The following B4GALT6 variants were observed in gnomAD, a reference collection of about 807,000 sequenced individuals.
B4GALT6 encodes the protein UDP-Gal:beta-GlcNAc beta-1,4-galactosyltransferase 6.
In B4GALT6, 14 loss-of-function variants were observed where a neutral mutation model predicts 46.3. The ratio of observed to expected loss-of-function variants is 0.30; its 90% confidence interval spans 0.20 to 0.47. The LOEUF is 0.47. B4GALT6 is among the 20% of genes least tolerant of loss of function. The pLI is 0.99. For missense variants in B4GALT6, 386 were observed against 480.1 expected (o/e 0.80, Z 1.83); for synonymous variants, 168 against 162.0 (o/e 1.04, Z -0.28).
intron 3 of B4GALT6, among the ~76,000 whole-genome samples, chr18:31,647,575 T>C (rs546090030): frequency 2.0e-5 from 3 of 152,178 alleles, no homozygotes; most frequent in African/African-American, 4.8e-5. Flanking sequence ...AGGCTAAAGA[T>C]TGACCTGGTG....
chr18:31,690,948 A>G, the B4GALT6 span, among the ~76,000 whole-genome samples: 16 of 152,070 alleles, frequency 1.1e-4, no homozygotes, highest in Non-Finnish European at 2.4e-4. Flanking sequence ...GTGAACAGTG[A>G]GAACACAGGG....
At chr18:31,680,358 G>T (rs913365021) in intron 1 of B4GALT6, among the ~76,000 whole-genome samples, 1 of 152,166 alleles carries the variant, frequency 6.6e-6, no homozygotes, top group East Asian at 1.9e-4. Context: ...GGACTCTGAG[G>T]AAAGGACCTA....
chr18:31,660,292 G>GT (rs1172352404), intron 2 of B4GALT6, among the ~76,000 whole-genome samples: 1 of 151,706 alleles, frequency 6.6e-6, no homozygotes, highest in Non-Finnish European at 1.5e-5. Context: ...CAAAATTCTT[G>GT]TTTTTTTCTT....
chr18:31,715,535 G>GTTTTT, the B4GALT6 span, among the ~76,000 whole-genome samples: 1 of 94,418 alleles, frequency 1.1e-5, no homozygotes, highest in African/African-American at 4.3e-5. Context: ...GTCTGGAACT[G>GTTTTT]TCTTTTTTTT....
At chr18:31,709,511 A>G in the B4GALT6 span, among the ~76,000 whole-genome samples, 1 of 148,616 alleles carries the variant, frequency 6.7e-6, no homozygotes, top group East Asian at 2.0e-4. Flanking sequence ...TATCCAATGT[A>G]CCTTGGATGA....
At chr18:31,636,474 T>C (rs1191903646) in intron 5 of B4GALT6, among the ~76,000 whole-genome samples, 3 of 152,130 alleles carry the variant, frequency 2.0e-5, no homozygotes, top group Non-Finnish European at 4.4e-5. Context: ...AACTTCACCA[T>C]AGAAGGTATG....
the B4GALT6 span, among the ~76,000 whole-genome samples, chr18:31,711,409 A>AC: frequency 3.2e-4 from 48 of 151,326 alleles, no homozygotes; most frequent in Admixed American, 2.6e-3. Flanking sequence ...CCCTCCTCCC[A>AC]CCCTCCATCC....
intron 4 of B4GALT6, among the ~76,000 whole-genome samples, chr18:31,640,152 ATTT>A (rs1392680342): frequency 1.3e-5 from 2 of 152,162 alleles, no homozygotes; most frequent in Non-Finnish European, 2.9e-5. Context: ...TATAATCTGG[ATTT>A]TTTAAATATA....
upstream of B4GALT6, among the ~76,000 whole-genome samples, chr18:31,689,945 C>T (rs1567990368): frequency 6.6e-6 from 1 of 152,138 alleles, no homozygotes; most frequent in Non-Finnish European, 1.5e-5. Context: ...ACAATATCCA[C>T]AATACTAGAT....
chr18:31,630,420 T>TG (rs1331915325), intron 6 of B4GALT6, among the ~76,000 whole-genome samples: 2 of 151,794 alleles, frequency 1.3e-5, no homozygotes, highest in African/African-American at 2.4e-5. Context: ...GATTTGGGTT[T>TG]TTTTTTTTTA....
intron 2 of B4GALT6, among the ~76,000 whole-genome samples, chr18:31,662,446 T>C (rs1567976019): frequency 6.6e-6 from 1 of 152,208 alleles, no homozygotes; most frequent in African/African-American, 2.4e-5. Flanking sequence ...TAGCACCTAA[T>C]AATAGTACCT....
At chr18:31,629,830 A>T (rs79037372) in intron 6 of B4GALT6, among the ~76,000 whole-genome samples, 1,865 of 148,072 alleles carry the variant, frequency 0.013, 48 homozygotes, top group African/African-American at 0.045. Context: ...AGCATGGGCG[A>T]CAAAGCGAGA....
intron 3 of B4GALT6, among the ~76,000 whole-genome samples, chr18:31,652,479 C>A (rs1048633218): frequency 1.2e-4 from 19 of 152,130 alleles, no homozygotes; most frequent in Non-Finnish European, 2.6e-4. Flanking sequence ...CTTCTGTTAA[C>A]CGCCACTCAC....
chr18:31,690,554 C>A (rs531931305), upstream of B4GALT6, among the ~76,000 whole-genome samples: 1 of 151,464 alleles, frequency 6.6e-6, no homozygotes, highest in South Asian at 2.1e-4. Flanking sequence ...ACTCTAACCT[C>A]CGCCTCCTGG....
At chr18:31,660,882 C>T (rs1048058574) in intron 2 of B4GALT6, among the ~76,000 whole-genome samples, 3 of 151,902 alleles carry the variant, frequency 2.0e-5, no homozygotes, top group Non-Finnish European at 4.4e-5. Context: ...CAAAAAGATC[C>T]CAAAAGTCTC....
chr18:31,635,207 G>A (rs2073842614), intron 5 of B4GALT6, among the ~76,000 whole-genome samples: 1 of 151,808 alleles, frequency 6.6e-6, no homozygotes, highest in South Asian at 2.1e-4. Flanking sequence ...CTCCAGCCTG[G>A]CGACAGAGCG....
intron 5 of B4GALT6, among the ~76,000 whole-genome samples, chr18:31,633,455 C>T (rs975385772): frequency 1.3e-5 from 2 of 152,196 alleles, no homozygotes; most frequent in Admixed American, 1.3e-4. Context: ...AAAAGTGGTA[C>T]AAGCTGGCAT....
chr18:31,659,949 C>CTTTTTTT (rs35690268), intron 2 of B4GALT6, among the ~76,000 whole-genome samples: 5 of 122,720 alleles, frequency 4.1e-5, no homozygotes, highest in Non-Finnish European at 6.7e-5. Flanking sequence ...GATTCTTTTC[C>CTTTTTTT]TTTTTTTTTT....
At chr18:31,647,215 G>A (rs886505698) in intron 3 of B4GALT6, among the ~76,000 whole-genome samples, 1 of 152,226 alleles carries the variant, frequency 6.6e-6, no homozygotes, top group Non-Finnish European at 1.5e-5. Flanking sequence ...ATAAGTAACT[G>A]AAGCTGGTAT....
Sources: gnomAD v4.1 joint callset for allele counts (sites outside exome capture counted in the v4.1 genomes callset) on GRCh38, gnomAD v4.1.1 for gene constraint, MANE v1.5 for transcripts, NCBI Gene and HGNC (gene_info 2026-07-23, HGNC 2026-07-21) for gene names.